The following DNAH14 variants were observed in gnomAD, a reference collection of about 807,000 sequenced individuals.
DNAH14 encodes the protein axonemal beta dynein heavy chain 14.
Under a neutral mutation model 520.9 loss-of-function variants are expected in DNAH14, and 478 were observed. The observed-to-expected ratio is 0.92, with a 90% CI of 0.85 to 0.99. DNAH14 has a LOEUF of 0.99. DNAH14 is among the 50% of genes least tolerant of loss of function. The pLI is 0.00. For synonymous variants in DNAH14, 1,581 were observed against 1,757.2 expected (o/e 0.90, Z 2.51); for missense variants, 4,831 against 5,234.5 (o/e 0.92, Z 2.38).
chr1:225,297,759 G>C (rs1475018545), intron 55 of DNAH14, among the ~76,000 whole-genome samples: 1 of 152,252 alleles, frequency 6.6e-6, no homozygotes, highest in Non-Finnish European at 1.5e-5. Flanking sequence ...CATGCATGCA[G>C]TGAATCAGCC....
chr1:225,190,341 C>T (rs1045807022), intron 37 of DNAH14, among the ~76,000 whole-genome samples: 1 of 151,910 alleles, frequency 6.6e-6, no homozygotes, highest in African/African-American at 2.4e-5. Context: ...GTATGTCGAT[C>T]TGATAACTGA....
intron 75 of DNAH14, among the ~76,000 whole-genome samples, chr1:225,361,754 T>C (rs1236097435): frequency 6.6e-6 from 1 of 152,248 alleles, no homozygotes; most frequent in Non-Finnish European, 1.5e-5. Context: ...GCACAGTGGC[T>C]CACGCCTATA....
chr1:225,124,181 G>A (rs369073962), intron 27 of DNAH14, among the ~76,000 whole-genome samples: 2 of 152,326 alleles, frequency 1.3e-5, no homozygotes, highest in East Asian at 1.9e-4. Flanking sequence ...ATTGTTGCTG[G>A]TGGAGGGTAT....
chr1:225,231,749 C>T (rs1190709022), intron 42 of DNAH14, among the ~76,000 whole-genome samples: 2 of 152,130 alleles, frequency 1.3e-5, no homozygotes, highest in South Asian at 2.1e-4. Flanking sequence ...CACTTATCTA[C>T]GTCTTGATTA....
At chr1:225,115,897 A>G (rs2076836993) in intron 23 of DNAH14, among the ~76,000 whole-genome samples, 1 of 152,222 alleles carries the variant, frequency 6.6e-6, no homozygotes, top group Admixed American at 6.5e-5. Context: ...TAGGAGACAA[A>G]AAAAGTAAGG....
intron 25 of DNAH14, among the ~76,000 whole-genome samples, chr1:225,118,513 T>C (rs1368995923): frequency 6.6e-6 from 1 of 152,162 alleles, no homozygotes; most frequent in Non-Finnish European, 1.5e-5. Flanking sequence ...CTGATGTAAG[T>C]TGATTTTTAA....
At chr1:224,938,443 TTGACA>T (rs201894936) in intron 1 of DNAH14, among the ~76,000 whole-genome samples, 14,511 of 152,170 alleles carry the variant, frequency 0.095, 2,215 homozygotes, top group African/African-American at 0.33. Context: ...GAAAACGTGT[TTGACA>T]TTGCTAATAA....
Position 225,269,530 on chromosome 1 carries a change from G to A in DNAH14, c.7540-1205G>A, listed in dbSNP as rs146437358. On this transcript the variant is annotated intron_variant, in intron 49 of 85. Coordinates refer to ENST00000682510, the MANE Select transcript of DNAH14 (RefSeq NM_001367479.1). ...TGCACAGCAAAAGAAACTACCATCA[G>A]AGTGAACAGGCAACCTACAGAATGG... Among the ~76,000 whole-genome samples the A allele has an allele frequency of 2.0e-3, 312 of 152,302 alleles. 1 individual carries two copies. The highest frequency in any genetic ancestry group is 7.1e-3 in the African/African-American group (297 of 41,558).
In DNAH14 at chr1:225,399,101, CTA is replaced by C; in HGVS notation, c.13688_13689del (p.Tyr4563CysfsTer3). On this transcript the variant is annotated frameshift_variant, in exon 86 of 86. Coordinates refer to ENST00000682510, the MANE Select transcript of DNAH14 (RefSeq NM_001367479.1). LOFTEE classifies it low-confidence loss of function (END_TRUNC). The part of the protein sequence containing the change: ...NASNQTDSEL[Y>X]AFECPVYQTP... ...CTTCCAACCAGACAGATTCAGAACT[CTA>C]TGCTTTTGAATGCCCAGTTTACCAG... is the stretch of plus-strand genomic sequence containing the variant. 1 of 1,551,502 alleles carries C rather than the reference CTA, an allele frequency of 6.4e-7. No individual in the cohort carries two copies. Among genetic ancestry groups the C allele is most frequent in the Non-Finnish European group, 8.7e-7 (1 of 1,147,002 alleles).
intron 7 of DNAH14, among the ~76,000 whole-genome samples, chr1:224,973,498 T>TGAGA (rs1314011518): frequency 6.6e-6 from 1 of 152,218 alleles, no homozygotes; most frequent in Non-Finnish European, 1.5e-5. Flanking sequence ...CATTTAGAGT[T>TGAGA]GAGAGAGCTT....
At chr1:225,350,782 C>T (rs2095354580) in intron 71 of DNAH14, among the ~76,000 whole-genome samples, 1 of 151,574 alleles carries the variant, frequency 6.6e-6, no homozygotes, top group East Asian at 1.9e-4. Flanking sequence ...AATTTTAGGA[C>T]CAGATGGCTT....
intron 23 of DNAH14, among the ~76,000 whole-genome samples, chr1:225,103,823 A>G (rs1338722810): frequency 1.3e-5 from 2 of 152,184 alleles, no homozygotes; most frequent in Admixed American, 6.5e-5. Flanking sequence ...ATATACAATC[A>G]TGTCATCTGC....
chr1:225,346,623 T>C lies in DNAH14; in HGVS notation c.11265T>C (p.Ile3755=). 2 of 1,548,734 alleles carry C rather than the reference T, an allele frequency of 1.3e-6. No individual in the cohort carries two copies. Among genetic ancestry groups the C allele is most frequent in the Non-Finnish European group, 1.7e-6 (2 of 1,145,298 alleles). Residue 3755 remains isoleucine, a synonymous_variant, in exon 71 of 86, where the codon ATT becomes ATC. Transcript: ENST00000682510. ...IFLYSGILIN[I]KSALSQSRLT... ...TATATTCTGGCATATTGATAAATAT[T>C]AAAAGTGCATTATCCCAGTCTAGAC...
chr1:224,958,653 A>T (rs989302828), intron 3 of DNAH14, among the ~76,000 whole-genome samples: 1 of 152,118 alleles, frequency 6.6e-6, no homozygotes, highest in Non-Finnish European at 1.5e-5. Context: ...ATGGAGGGCA[A>T]GTGATGACAA....
intron 55 of DNAH14, among the ~76,000 whole-genome samples, chr1:225,299,366 G>GT (rs1004436781): frequency 1.2e-4 from 18 of 152,004 alleles, no homozygotes; most frequent in Non-Finnish European, 2.5e-4. Context: ...CCCTCATCCT[G>GT]TTTTTTCTCT....
Position 225,303,226 on chromosome 1 carries a change from G to A in DNAH14, c.8702G>A (p.Arg2901Lys). 3 of 1,548,044 alleles carry A rather than the reference G, an allele frequency of 1.9e-6. No homozygotes were observed. The highest frequency in any genetic ancestry group is 2.6e-6 in the Non-Finnish European group (3 of 1,145,416). Residue 2901 changes from arginine to lysine, a missense_variant, in exon 57 of 86, where the codon AGA becomes AAA. By Grantham distance (26) the Arg-to-Lys change is conservative. Coordinates refer to ENST00000682510, the MANE Select transcript of DNAH14 (RefSeq NM_001367479.1). ...GGACCTAGCTTCCGCCAAAATTGTAGAGTGTATCCTTCTATGATTAGCTCC... is the reference window on the plus strand; with the variant it reads ...GGACCTAGCTTCCGCCAAAATTGTAAAGTGTATCCTTCTATGATTAGCTCC... ...PEGPSFRQNC[R>K]VYPSMISSCT...
intron 41 of DNAH14, among the ~76,000 whole-genome samples, chr1:225,230,045 A>G (rs2090951930): frequency 1.3e-5 from 2 of 152,182 alleles, no homozygotes; most frequent in African/African-American, 2.4e-5. Flanking sequence ...TTGGTGAGCT[A>G]TTTGACATTA....
chr1:225,327,598 T>C (rs143317694), intron 64 of DNAH14, among the ~76,000 whole-genome samples: 1 of 152,150 alleles, frequency 6.6e-6, no homozygotes, highest in Non-Finnish European at 1.5e-5. Context: ...AATTTATAGT[T>C]GTAAATGCCT....
intron 26 of DNAH14, among the ~76,000 whole-genome samples, chr1:225,120,700 G>T (rs549704256): frequency 6.6e-6 from 1 of 152,310 alleles, no homozygotes; most frequent in African/African-American, 2.4e-5. Context: ...TGCAGTTTCA[G>T]TCTTACCCCT....
Sources: gnomAD v4.1 joint callset for allele counts (sites outside exome capture counted in the v4.1 genomes callset) on GRCh38, gnomAD v4.1.1 for gene constraint, MANE v1.5 for transcripts, NCBI Gene and HGNC (gene_info 2026-07-23, HGNC 2026-07-21) for gene names.